FER1L6: variants seen among roughly 807,000 people sequenced by gnomAD.
FER1L6 encodes fer-1 like family member 6.
Under a neutral mutation model 219.2 loss-of-function variants are expected in FER1L6, and 177 were observed. The observed-to-expected ratio is 0.81, with a 90% CI of 0.71 to 0.91. FER1L6 has a LOEUF of 0.91. FER1L6 is among the 40% of genes least tolerant of loss of function. FER1L6 has a pLI of 0.00. For missense variants in FER1L6, 2,153 were observed against 2,259.9 expected, an observed-to-expected ratio of 0.95 and a Z score of 0.96; for synonymous variants, 768 against 824.3, an observed-to-expected ratio of 0.93 and a Z score of 1.17.
rs377344943 is a variant in FER1L6 at position 123,973,416 on chromosome 8, T to C, written c.448-18T>C. 31 of 1,599,540 alleles carry C rather than the reference T, an allele frequency of 1.9e-5. No homozygotes were observed. Among genetic ancestry groups the C allele is most frequent in the Non-Finnish European group, 2.7e-5 (31 of 1,166,820 alleles). ...CTCAAGGTAAATCTGCCATACTCCC[T>C]GCTCTCTCTCTCCTCAGGTCTTTCA... On this transcript the variant is annotated intron_variant, in intron 6 of 40. Coordinates refer to ENST00000522917, the MANE Select transcript of FER1L6 (RefSeq NM_001039112.2).
chr8:124,104,940 A>AT (rs1822704729), intron 39 of FER1L6, among the ~76,000 whole-genome samples: 4 of 152,214 alleles, frequency 2.6e-5, no homozygotes, highest in Non-Finnish European at 4.4e-5. Flanking sequence ...CTCTGTTATC[A>AT]TAGAGCTTAC....
chr8:124,064,298 C>G, intron 25 of FER1L6, 49 bp from the exon 26 acceptor site: 1 of 1,490,504 alleles, frequency 6.7e-7, no homozygotes, highest in South Asian at 1.2e-5. Flanking sequence ...CTGAAACGAC[C>G]ACCCTGTGAT....
At chr8:124,067,917 G>C in intron 28 of FER1L6, 111 bp downstream of exon 28, 1 of 818,154 alleles carries the variant, frequency 1.2e-6, no homozygotes, top group Non-Finnish European at 2.0e-6. Context: ...CTCCTTTCCC[G>C]AGTTTAGAAA....
In FER1L6 at chr8:124,040,060, C is replaced by T. The variant is rs570822734; in HGVS notation, c.2589+54C>T. The T allele has an allele frequency of 3.1e-6, 5 of 1,608,390 alleles. No individual in the cohort carries two copies. In the African/African-American group the frequency reaches 6.7e-5, roughly 21 times the overall value. On this transcript the variant is annotated intron_variant, in intron 20 of 40. Transcript: ENST00000522917. ...TCTTTCCTGCAGCCTGCAACTGACCCACAGAAGATCCCAGGAAAGAAACAA... is the reference window on the plus strand; with the variant it reads ...TCTTTCCTGCAGCCTGCAACTGACCTACAGAAGATCCCAGGAAAGAAACAA...
chr8:123,980,677 T>G lies in FER1L6; in HGVS notation c.1276T>G (p.Ser426Ala), dbSNP rs1303813916. The change falls in exon 11 of 41, where the codon TCC becomes GCC. Residue 426 changes from serine (S) to alanine (A), a missense_variant. Transcript: ENST00000522917. ...GGCCCTGAAGGAGCTCAAGTTGCCT[T>G]CCAAGGACAAAGACTCCAAATCTTC... ...SKALKELKLP[S>A]KDKDSKSSKG... 1 of 1,614,106 alleles carries G rather than the reference T, an allele frequency of 6.2e-7. No individual in the cohort carries two copies. The highest frequency in any genetic ancestry group is 8.5e-7 in the Non-Finnish European group (1 of 1,179,998).
At chr8:124,088,976 G>A (rs577753939) in intron 33 of FER1L6, among the ~76,000 whole-genome samples, 4 of 152,114 alleles carry the variant, frequency 2.6e-5, no homozygotes, top group South Asian at 4.2e-4. Context: ...GAGGTGGTGC[G>A]AGCACTCCCA....
intron 1 of FER1L6, among the ~76,000 whole-genome samples, chr8:123,944,324 A>T (rs191598701): frequency 4.4e-4 from 65 of 149,360 alleles, no homozygotes; most frequent in African/African-American, 1.5e-3. Context: ...TAACACATAA[A>T]TTCATCCATT....
At chr8:124,112,974 A>C (rs555121967) in intron 39 of FER1L6, among the ~76,000 whole-genome samples, 1 of 152,308 alleles carries the variant, frequency 6.6e-6, no homozygotes, top group Non-Finnish European at 1.5e-5. Context: ...AAACTTGCTA[A>C]TGGTTTGGTT....
At chr8:123,857,021 G>A (rs1437068704) in intron 1 of FER1L6, among the ~76,000 whole-genome samples, 1 of 152,086 alleles carries the variant, frequency 6.6e-6, no homozygotes, top group Non-Finnish European at 1.5e-5. Context: ...CACAGTGCCT[G>A]ATTTATGGAA....
chr8:124,106,283 C>G (rs968584482), intron 39 of FER1L6, among the ~76,000 whole-genome samples: 3 of 138,180 alleles, frequency 2.2e-5, no homozygotes, highest in Admixed American at 8.2e-5. Context: ...GAGCCGAGAT[C>G]GTGCCACTGC....
At chr8:124,081,738 A>G (rs1366225891) in intron 32 of FER1L6, among the ~76,000 whole-genome samples, 1 of 152,156 alleles carries the variant, frequency 6.6e-6, no homozygotes, top group African/African-American at 2.4e-5. Flanking sequence ...TTTAAAATAA[A>G]TGTAGCTGGT....
intron 1 of FER1L6, among the ~76,000 whole-genome samples, chr8:123,871,372 A>G (rs10095802): frequency 0.15 from 22,800 of 152,012 alleles, 1,731 homozygotes; most frequent in Middle Eastern, 0.19. Context: ...TCAGGAAAAA[A>G]CGGTTGATTC....
Position 123,975,166 on chromosome 8 carries a change from C to A in FER1L6, c.543C>A (p.Asn181Lys). ...VYNQPGHQFC[N>K]KWALLTDPGD... ...CTTTCACAGGTCATCAGTTCTGCAA[C>A]AAGTGGGCCCTGCTCACAGACCCTG... Residue 181 changes from asparagine to lysine, a missense_variant, in exon 8 of 41, where the codon AAC (asparagine) becomes AAA (lysine). Transcript: ENST00000522917. 6.2e-7 allele frequency: 1 copy of A among 1,604,902 alleles called. No individual in the cohort carries two copies. Among genetic ancestry groups the A allele is most frequent in the Non-Finnish European group, 8.5e-7 (1 of 1,175,796 alleles).
At position 123,956,004 on chromosome 8, in the gene FER1L6, T is replaced by G. The variant is rs761485300; in HGVS notation, c.6T>G (p.Phe2Leu). The stretch of plus-strand genomic sequence containing the variant: ...TTCTTCTTTTCAGAAAGGGGATGTT[T>G]GGGCTGAAGGTGAAGAAGAAGAGAA... M[F>L]GLKVKKKRNK... Residue 2 changes from phenylalanine (F) to leucine (L), a missense_variant, in exon 2 of 41, where the codon TTT (phenylalanine) becomes TTG (leucine). By Grantham distance (22) the Phe-to-Leu change is conservative. Coordinates refer to ENST00000522917, the MANE Select transcript of FER1L6 (RefSeq NM_001039112.2). 2.0e-5 allele frequency: 33 copies of G among 1,611,218 alleles called. No individual in the cohort carries two copies. Among genetic ancestry groups the G allele is most frequent in the African/African-American group, 2.7e-5 (2 of 74,870 alleles).
intron 20 of FER1L6, among the ~76,000 whole-genome samples, chr8:124,045,192 G>A (rs1024078839): frequency 8.5e-5 from 13 of 152,106 alleles, no homozygotes; most frequent in African/African-American, 7.2e-5. Context: ...CCAATCCTCC[G>A]TGTTCTCATT....
At chr8:124,045,658 C>G in intron 20 of FER1L6, 109 bp from the exon 21 acceptor site, 2 of 1,201,292 alleles carry the variant, frequency 1.7e-6, no homozygotes, top group South Asian at 2.7e-5. Flanking sequence ...TGAGCAATCA[C>G]AATGATGATG....
At position 124,060,640 on chromosome 8, in the gene FER1L6, G is replaced by C. The variant is rs373879317; in HGVS notation, c.3078G>C (p.Val1026=). ...TCATTGAGTGCGGAGGACAAGGTGT[G>C]AAGTCCTGCGTGATCCAGAGCTACA... ...QALIECGGQG[V]KSCVIQSYKN... The change falls in exon 24 of 41, where the codon GTG becomes GTC. Residue 1026 remains valine, a synonymous_variant. Coordinates refer to ENST00000522917, the MANE Select transcript of FER1L6 (RefSeq NM_001039112.2). The C allele has an allele frequency of 2.5e-6, 4 of 1,614,142 alleles. No homozygotes were observed. The highest frequency in any genetic ancestry group is 1.6e-4 in the Middle Eastern group (1 of 6,062).
rs1286822523 is a variant in FER1L6, at chr8:124,060,280, A to G, written c.2975A>G (p.Tyr992Cys). ...AACATTCGGCCGGTGCTGAGCAAAT[A>G]CCGAGTGGAGGTACGGGTCAGCGGA... ...PANIRPVLSK[Y>C]RVEVLFWGVR... The change falls in exon 23 of 41, where the codon TAC (tyrosine) becomes TGC (cysteine). Residue 992 changes from tyrosine to cysteine, a missense_variant. Coordinates refer to ENST00000522917, the MANE Select transcript of FER1L6 (RefSeq NM_001039112.2). 3 of 1,614,094 alleles carry G rather than the reference A, an allele frequency of 1.9e-6. No individual in the cohort carries two copies. Among genetic ancestry groups the G allele is most frequent in the Non-Finnish European group, 2.5e-6 (3 of 1,179,972 alleles).
intron 1 of FER1L6, among the ~76,000 whole-genome samples, chr8:123,895,563 T>C (rs1812729265): frequency 6.6e-6 from 1 of 152,108 alleles, no homozygotes; most frequent in Admixed American, 6.6e-5. Flanking sequence ...GGAGTTGGGT[T>C]GTCTGGGTTC....
Sources: gnomAD v4.1 joint callset for allele counts (sites outside exome capture counted in the v4.1 genomes callset) on GRCh38, gnomAD v4.1.1 for gene constraint, MANE v1.5 for transcripts, NCBI Gene and HGNC (gene_info 2026-07-23, HGNC 2026-07-21) for gene names.